SCAPER: variants seen among roughly 807,000 people sequenced by gnomAD.
SCAPER encodes the protein S phase cyclin A-associated protein in the endoplasmic reticulum.
Under a neutral mutation model 182.2 loss-of-function variants are expected in SCAPER, and 98 were observed. The observed-to-expected ratio is 0.54, with a 90% CI of 0.46 to 0.64. SCAPER has a LOEUF of 0.64. Ranked by LOEUF, SCAPER falls within the 30% of genes least tolerant of loss-of-function variation. The probability of loss-of-function intolerance (pLI) is 0.00; values close to 1 mark genes in which losing one functional copy is unlikely to be tolerated. For missense variants in SCAPER, 1,432 were observed against 1,690.0 expected (o/e 0.85, Z 2.68); for synonymous variants, 605 against 564.6 (o/e 1.07, Z -1.01).
chr15:76,415,711 A>G (rs1244526736), intron 26 of SCAPER, among the ~76,000 whole-genome samples: 1 of 152,206 alleles, frequency 6.6e-6, no homozygotes, highest in Non-Finnish European at 1.5e-5. Context: ...ACATACACAC[A>G]TATAAAAAAT....
chr15:76,871,530 C>T (rs2072732184), intron 2 of SCAPER, among the ~76,000 whole-genome samples: 1 of 150,158 alleles, frequency 6.7e-6, no homozygotes, highest in African/African-American at 2.4e-5. Context: ...GACTAATTAC[C>T]AAATCCAAGG....
At chr15:76,712,160 A>T (rs1385661001) in intron 17 of SCAPER, among the ~76,000 whole-genome samples, 2 of 152,314 alleles carry the variant, frequency 1.3e-5, no homozygotes, top group East Asian at 3.9e-4. Context: ...ACATATGGCT[A>T]GACAGTTTTC....
intron 20 of SCAPER, among the ~76,000 whole-genome samples, chr15:76,686,816 C>T (rs1440910776): frequency 2.6e-5 from 4 of 152,004 alleles, no homozygotes; most frequent in Non-Finnish European, 5.9e-5. Context: ...GCAAGGTATT[C>T]TTTTTGTAAA....
chr15:76,656,705 C>A (rs978844951), intron 21 of SCAPER, among the ~76,000 whole-genome samples: 2 of 152,132 alleles, frequency 1.3e-5, no homozygotes, highest in African/African-American at 4.8e-5. Context: ...CAATCTCAGA[C>A]CACAGCACCA....
chr15:76,812,845 G>A (rs1358480197), intron 5 of SCAPER, among the ~76,000 whole-genome samples: 1 of 150,376 alleles, frequency 6.6e-6, no homozygotes, highest in African/African-American at 2.4e-5. Flanking sequence ...CTTCAGAGCC[G>A]AATTCTACCA....
At chr15:76,504,192 T>G (rs2041388319) in intron 24 of SCAPER, among the ~76,000 whole-genome samples, 1 of 152,148 alleles carries the variant, frequency 6.6e-6, no homozygotes, top group African/African-American at 2.4e-5. Context: ...CCTGCCTAAA[T>G]GAACTTTTAT....
At chr15:76,560,057 G>GT (rs1402082635) in intron 23 of SCAPER, among the ~76,000 whole-genome samples, 1 of 151,694 alleles carries the variant, frequency 6.6e-6, no homozygotes, top group Non-Finnish European at 1.5e-5. Context: ...TTCCCACTGA[G>GT]TTTTATTTTT....
intron 22 of SCAPER, among the ~76,000 whole-genome samples, chr15:76,613,536 C>A (rs1029932845): frequency 1.3e-5 from 2 of 151,450 alleles, no homozygotes; most frequent in Non-Finnish European, 3.0e-5. Flanking sequence ...AACAAAATAC[C>A]TGGCATCTAT....
At chr15:76,634,851 TTGTGTGTG>T (rs34278755) in intron 21 of SCAPER, among the ~76,000 whole-genome samples, 1 of 149,976 alleles carries the variant, frequency 6.7e-6, no homozygotes, top group African/African-American at 2.5e-5. Flanking sequence ...GTGTGGGTAT[TTGTGTGTG>T]TGTGTGTGTG....
At chr15:76,865,690 T>C (rs922378966) in intron 2 of SCAPER, among the ~76,000 whole-genome samples, 1 of 152,070 alleles carries the variant, frequency 6.6e-6, no homozygotes, top group Non-Finnish European at 1.5e-5. Context: ...GGTACAAAAA[T>C]GAATCAACTC....
chr15:76,809,315 T>C (rs1472649297), intron 5 of SCAPER, among the ~76,000 whole-genome samples: 2 of 152,058 alleles, frequency 1.3e-5, no homozygotes, highest in African/African-American at 2.4e-5. Context: ...ATGTGACTTA[T>C]CACATAGAGA....
chr15:76,818,321 TA>T (rs2151628382), intron 5 of SCAPER, among the ~76,000 whole-genome samples: 1 of 152,230 alleles, frequency 6.6e-6, no homozygotes, highest in Admixed American at 6.5e-5. Flanking sequence ...GACCCAACTG[TA>T]AAATACAAAA....
intron 26 of SCAPER, among the ~76,000 whole-genome samples, chr15:76,418,165 G>C (rs117492030): frequency 2.1e-3 from 321 of 152,252 alleles, no homozygotes; most frequent in Admixed American, 4.7e-3. Flanking sequence ...TGTAGTGATG[G>C]AAGAAGTACA....
At chr15:76,746,813 C>G (rs1455171460) in intron 15 of SCAPER, among the ~76,000 whole-genome samples, 2 of 152,006 alleles carry the variant, frequency 1.3e-5, no homozygotes, top group Non-Finnish European at 2.9e-5. Context: ...TTAAACAAAG[C>G]AGTGAAATAC....
chr15:76,729,058 T>C (rs996125174), intron 16 of SCAPER, among the ~76,000 whole-genome samples: 5 of 151,984 alleles, frequency 3.3e-5, no homozygotes, highest in African/African-American at 9.7e-5. Flanking sequence ...CAGAAAAATA[T>C]GAAAAGAGAG....
rs977041787 is a variant in SCAPER, at chr15:76,515,654, T to C, written c.2839-10680A>G. ...TATTTTCTCTCCATCATAACACTTT[T>C]GCTTCTTTACTGATTTTTCTATTTA... On this transcript the variant is annotated intron_variant, in intron 23 of 31. Transcript: ENST00000563290. Among the ~76,000 whole-genome samples the C allele has an allele frequency of 2.0e-4, 31 of 152,210 alleles. 1 individual carries two copies. Among genetic ancestry groups the C allele is most frequent in the Non-Finnish European group, 5.9e-5 (4 of 68,032 alleles).
chr15:76,800,685 C>T (rs1372805866), intron 6 of SCAPER, among the ~76,000 whole-genome samples: 2 of 152,116 alleles, frequency 1.3e-5, no homozygotes, highest in African/African-American at 4.8e-5. Flanking sequence ...CTTCCAAATG[C>T]CCAGCTAAAA....
At chr15:76,711,645 G>A (rs978263221) in intron 17 of SCAPER, among the ~76,000 whole-genome samples, 1 of 152,172 alleles carries the variant, frequency 6.6e-6, no homozygotes, top group African/African-American at 2.4e-5. Context: ...GGTGTGAGAT[G>A]GTATCTCATT....
chr15:76,557,824 A>C lies in SCAPER; in HGVS notation c.2838+16334T>G, dbSNP rs536626704. Among the ~76,000 whole-genome samples, 77 of 152,328 alleles carry C rather than the reference A, an allele frequency of 5.1e-4. 1 individual carries two copies. In the South Asian group the frequency reaches 0.012, roughly 24 times the overall value. On this transcript the variant is annotated intron_variant, in intron 23 of 31. Coordinates refer to ENST00000563290, the MANE Select transcript of SCAPER (RefSeq NM_020843.4). ...GATACATAGACCAATGGAATAGAAT[A>C]GACAGCCCAGAAATAAAGCTGCTCA...
Sources: gnomAD v4.1 joint callset for allele counts (sites outside exome capture counted in the v4.1 genomes callset) on GRCh38, gnomAD v4.1.1 for gene constraint, MANE v1.5 for transcripts, NCBI Gene and HGNC (gene_info 2026-07-23, HGNC 2026-07-21) for gene names.